Variants in MED13L observed in about 807,000 individuals in gnomAD.
MED13L encodes mediator complex subunit 13L, also known as mediator of RNA polymerase II transcription subunit 13-like.
A neutral mutation model predicts 220.9 loss-of-function variants in MED13L; 7 were observed. The ratio of observed to expected loss-of-function variants is 0.03; its 90% CI spans 0.02 to 0.06. The LOEUF is 0.06. MED13L is among the 10% of genes least tolerant of loss of function. The probability of loss-of-function intolerance (pLI) is 1.00; values close to 1 mark genes in which losing one functional copy is unlikely to be tolerated. For missense variants in MED13L, 1,965 were observed against 2,760.5 expected, an observed-to-expected ratio of 0.71 and a Z score of 6.46; for synonymous variants, 1,011 against 1,015.2, an observed-to-expected ratio of 1.00 and a Z score of 0.08.
chr12:115,963,061 T>C (rs1424280940), intron 30 of MED13L, among the ~76,000 whole-genome samples: 3 of 152,138 alleles, frequency 2.0e-5, no homozygotes, highest in South Asian at 2.1e-4. Flanking sequence ...TCAGGAAGCA[T>C]AAAAAGTGTT....
chr12:116,065,707 A>G (rs576908325), intron 4 of MED13L, among the ~76,000 whole-genome samples: 13 of 152,352 alleles, frequency 8.5e-5, no homozygotes, highest in East Asian at 7.7e-4. Flanking sequence ...GCGAAGAGGA[A>G]AAGTCAAAGA....
intron 16 of MED13L, among the ~76,000 whole-genome samples, chr12:115,995,449 G>A (rs980242685): frequency 6.6e-6 from 1 of 152,060 alleles, no homozygotes; most frequent in African/African-American, 2.4e-5. Context: ...TTTGTGACAG[G>A]GTCTTGCTCT....
Position 116,007,449 on chromosome 12 carries a change from T to G in MED13L, c.2200A>C (p.Lys734Gln). 6.2e-7 allele frequency: 1 copy of G among 1,613,934 alleles called. No individual in the cohort carries two copies. The highest frequency in any genetic ancestry group is 8.5e-7 in the Non-Finnish European group (1 of 1,179,836). Residue 734 changes from lysine to glutamine, a missense_variant, in exon 11 of 31, where the codon AAA becomes CAA. Lys to Gln is a moderately conservative substitution (Grantham distance 53). This residue lies in a region of MED13L where 818 missense variants were observed against 1,041.2 expected (regional missense o/e 0.79). Transcript: ENST00000281928. ...AGGGAATCTTTCTCCGTCCCTTGTT[T>G]GCATTTCTTGTTGGCTGTAAAGATG... Reference protein sequence around the residue: ...KYIFTANKKCKQGTEKDSLKK... With the variant: ...KYIFTANKKCQQGTEKDSLKK...
chr12:115,991,799 C>T lies in MED13L; in HGVS notation c.3155G>A (p.Arg1052Gln), dbSNP rs977444793. The T allele has an allele frequency of 1.2e-6, 2 of 1,613,494 alleles. No individual in the cohort carries two copies. The highest frequency in any genetic ancestry group is 1.3e-5 in the African/African-American group (1 of 74,824). The change falls in exon 17 of 31, where the codon CGA becomes CAA. Residue 1052 changes from arginine (R) to glutamine (Q), a missense_variant. Arg to Gln is a conservative substitution (Grantham distance 43). Transcript: ENST00000281928. This position sits in a 1 kb window ranked among gnomAD's most constrained non-coding sequence, Gnocchi z 7.7. ...ATPRFSVPTP[R>Q]TPRTPRTPRG... ...GGGAGTTCTTGGGGTCCTGGGGGTT[C>T]GTGGTGTGGGGACAGAGAAGCGAGG... is the stretch of plus-strand genomic sequence containing the variant.
At chr12:116,052,653 T>C (rs535069064) in intron 4 of MED13L, among the ~76,000 whole-genome samples, 22 of 152,332 alleles carry the variant, frequency 1.4e-4, no homozygotes, top group African/African-American at 5.3e-4. Flanking sequence ...GTTAAGATTC[T>C]GGTTTGCATT....
intron 2 of MED13L, among the ~76,000 whole-genome samples, chr12:116,122,521 C>A (rs185028363): frequency 6.6e-6 from 1 of 152,252 alleles, no homozygotes; most frequent in African/African-American, 2.4e-5. Flanking sequence ...TATCACTTAA[C>A]AAATCTATGT....
At chr12:116,148,495 T>A in intron 2 of MED13L, 1 of 304,732 alleles carries the variant, frequency 3.3e-6, no homozygotes, top group Non-Finnish European at 7.3e-6. Flanking sequence ...GTGTTTTATA[T>A]AGTAACCAGC....
intron 2 of MED13L, among the ~76,000 whole-genome samples, chr12:116,211,165 T>A (rs1882680647): frequency 6.6e-6 from 1 of 152,332 alleles, no homozygotes; most frequent in South Asian, 2.1e-4. Context: ...TTTCTTACGA[T>A]GGTGCCCAAA....
chr12:116,078,327 CAT>C lies in MED13L; in HGVS notation c.479+18340_479+18341del, dbSNP rs2137721391. Among the ~76,000 whole-genome samples, 3 of 152,172 alleles carry C rather than the reference CAT, an allele frequency of 2.0e-5. 1 individual carries two copies. The South Asian group carries it at 6.2e-4, about 32-fold the overall frequency. On this transcript the variant is annotated intron_variant, in intron 4 of 30. Coordinates refer to ENST00000281928, the MANE Select transcript of MED13L (RefSeq NM_015335.5). ...ACTTTATAATTCATAATCATTTCTA[CAT>C]ATAATTTAATTTCTACATATAATTT... is the stretch of plus-strand genomic sequence containing the variant.
chr12:116,149,398 T>A (rs1877853636), intron 2 of MED13L, among the ~76,000 whole-genome samples: 1 of 152,216 alleles, frequency 6.6e-6, no homozygotes, highest in South Asian at 2.1e-4. Context: ...AGAAAGGAAT[T>A]CTGCATGGTT....
At chr12:116,031,601 GAGAGA>G (rs1022764697) in intron 4 of MED13L, among the ~76,000 whole-genome samples, 2 of 107,302 alleles carry the variant, frequency 1.9e-5, no homozygotes, top group East Asian at 6.5e-4. Context: ...AAAAAAAGAA[GAGAGA>G]AGAGAAGAGA....
chr12:116,072,520 C>T (rs924658409), intron 4 of MED13L, among the ~76,000 whole-genome samples: 1 of 152,144 alleles, frequency 6.6e-6, no homozygotes, highest in Non-Finnish European at 1.5e-5. Context: ...GGCGCAATCT[C>T]GGCTCACTGC....
chr12:115,973,519 T>G (rs972999835), intron 25 of MED13L, among the ~76,000 whole-genome samples: 1 of 152,172 alleles, frequency 6.6e-6, no homozygotes, highest in African/African-American at 2.4e-5. Flanking sequence ...CTTACAAAAA[T>G]CATACAAAGG....
At chr12:115,967,823 C>T (rs1018334784) in intron 28 of MED13L, among the ~76,000 whole-genome samples, 8 of 152,142 alleles carry the variant, frequency 5.3e-5, no homozygotes, top group African/African-American at 1.7e-4. Flanking sequence ...TTGTGTTTTT[C>T]GTTCCTATCA....
chr12:116,036,219 G>A (rs1566023330), intron 4 of MED13L, among the ~76,000 whole-genome samples: 2 of 152,212 alleles, frequency 1.3e-5, no homozygotes, highest in Non-Finnish European at 2.9e-5. Context: ...GTTTCATCAT[G>A]AGAAGAACAA....
chr12:116,082,759 A>T (rs1482784792), intron 4 of MED13L: 2 of 152,224 alleles, frequency 1.3e-5, no homozygotes, highest in Non-Finnish European at 2.9e-5. Flanking sequence ...AGTGGGTCCT[A>T]ATAGTCAACA....
At chr12:116,269,426 C>T (rs1183144801) in intron 1 of MED13L, among the ~76,000 whole-genome samples, 1 of 120,986 alleles carries the variant, frequency 8.3e-6, no homozygotes, top group Non-Finnish European at 1.7e-5. Context: ...CCCGCCCCCC[C>T]AATCTACTTT....
intron 2 of MED13L, among the ~76,000 whole-genome samples, chr12:116,184,727 TA>T (rs1286494899): frequency 1.3e-5 from 2 of 152,184 alleles, no homozygotes; most frequent in Non-Finnish European, 2.9e-5. Flanking sequence ...TAAAAGCCAT[TA>T]TTTTGATTTA....
intron 8 of MED13L, among the ~76,000 whole-genome samples, chr12:116,013,705 C>G (rs969096154): frequency 2.6e-5 from 4 of 152,198 alleles, no homozygotes. Context: ...TAGCGAAAAG[C>G]AGATCGCTTT....
Sources: allele counts gnomAD v4.1 joint callset (sites outside exome capture counted in the v4.1 genomes callset), GRCh38; gene constraint gnomAD v4.1.1; regional missense constraint gnomAD v4.1.1; non-coding constraint Gnocchi (gnomAD v3.1); transcripts MANE v1.5; gene names NCBI Gene and HGNC (gene_info 2026-07-23, HGNC 2026-07-21).